The following EYA1 variants were observed in gnomAD, a reference collection of about 807,000 sequenced individuals.
EYA1 encodes protein phosphatase EYA1.
EYA1 carries 16 observed loss-of-function variants against 82.0 expected under a neutral mutation model. That is an observed-to-expected ratio of 0.20 (90% CI 0.13 to 0.30). EYA1 has a LOEUF of 0.30. Among genes scored for constraint, EYA1 ranks in the 10% least tolerant of loss-of-function variants. The pLI is 1.00. For missense variants in EYA1, 633 were observed against 730.7 expected (o/e 0.87, Z 1.54); for synonymous variants, 261 against 264.4 (o/e 0.99, Z 0.12).
In EYA1 at chr8:71,437,461, C is replaced by G. The variant is rs74728952; in HGVS notation, c.34-80950G>C. On this transcript the variant is annotated intron_variant, in intron 2 of 18. Coordinates refer to the EYA1 transcript ENST00000643681. Reference sequence around the variant, plus strand: ...TGTCCATCTCTAAAATGTGTCAGGTCACACATAGCTCTTAGGTTTTCTATG... The same window carrying G: ...TGTCCATCTCTAAAATGTGTCAGGTGACACATAGCTCTTAGGTTTTCTATG... Among the ~76,000 whole-genome samples the G allele has an allele frequency of 3.2e-4, 49 of 151,984 alleles. 2 individuals are homozygous for G. The East Asian group carries it at 7.6e-3, about 23-fold the overall frequency.
At chr8:71,415,854 A>T (rs1830826557) in intron 2 of EYA1, among the ~76,000 whole-genome samples, 1 of 152,266 alleles carries the variant, frequency 6.6e-6, no homozygotes, top group African/African-American at 2.4e-5. Context: ...AATTTCTATA[A>T]GCATAAATAG....
At chr8:71,532,622 T>A (rs1814381446) in intron 2 of EYA1, among the ~76,000 whole-genome samples, 1 of 152,230 alleles carries the variant, frequency 6.6e-6, no homozygotes, top group Non-Finnish European at 1.5e-5. Flanking sequence ...GAAGTATTAT[T>A]TTGTCTTTAA....
chr8:71,267,311 G>C (rs1397264579), intron 11 of EYA1, among the ~76,000 whole-genome samples: 1 of 152,004 alleles, frequency 6.6e-6, no homozygotes, highest in Non-Finnish European at 1.5e-5. Flanking sequence ...AGCCTTTCTT[G>C]CCTCTGCACT....
At chr8:71,354,541 T>C (rs1449591936) in intron 3 of EYA1, among the ~76,000 whole-genome samples, 1 of 152,184 alleles carries the variant, frequency 6.6e-6, no homozygotes, top group Non-Finnish European at 1.5e-5. Flanking sequence ...ATGTATAATA[T>C]ACATGTGTAT....
intron 2 of EYA1, among the ~76,000 whole-genome samples, chr8:71,505,222 G>A (rs780231989): frequency 6.6e-6 from 1 of 152,186 alleles, no homozygotes; most frequent in African/African-American, 2.4e-5. Context: ...GATGAATGCA[G>A]TGGTTCTCAA....
intron 2 of EYA1, among the ~76,000 whole-genome samples, chr8:71,396,349 G>C (rs554200555): frequency 2.0e-5 from 3 of 152,060 alleles, no homozygotes; most frequent in Admixed American, 6.5e-5. Flanking sequence ...GAATGTGTTT[G>C]CTCTTGCTTT....
At chr8:71,325,622 A>C (rs1823062665) in intron 4 of EYA1, among the ~76,000 whole-genome samples, 1 of 152,238 alleles carries the variant, frequency 6.6e-6, no homozygotes, top group African/African-American at 2.4e-5. Context: ...ATAAACATAC[A>C]TAATAAACCT....
chr8:71,499,716 C>A (rs1811675321), intron 2 of EYA1, among the ~76,000 whole-genome samples: 1 of 152,126 alleles, frequency 6.6e-6, no homozygotes, highest in African/African-American at 2.4e-5. Flanking sequence ...CTAACTCAAT[C>A]TGGAATATAA....
chr8:71,379,443 G>C (rs1354421467), intron 2 of EYA1, among the ~76,000 whole-genome samples: 1 of 152,034 alleles, frequency 6.6e-6, no homozygotes, highest in Non-Finnish European at 1.5e-5. Flanking sequence ...GAACCATCAG[G>C]ACTGAAATCC....
At chr8:71,247,513 A>C (rs1813250899) in intron 11 of EYA1, among the ~76,000 whole-genome samples, 1 of 152,176 alleles carries the variant, frequency 6.6e-6, no homozygotes, top group South Asian at 2.1e-4. Context: ...GATTCCCTCA[A>C]ATTTTGTGTA....
At chr8:71,286,457 A>G (rs1047529874) in intron 9 of EYA1, among the ~76,000 whole-genome samples, 1 of 152,212 alleles carries the variant, frequency 6.6e-6, no homozygotes, top group Non-Finnish European at 1.5e-5. Context: ...GCATGGAGCC[A>G]TGACATATTG....
At chr8:71,315,400 A>AG (rs1399058170) in intron 7 of EYA1, among the ~76,000 whole-genome samples, 1 of 152,204 alleles carries the variant, frequency 6.6e-6, no homozygotes, top group Non-Finnish European at 1.5e-5. Context: ...ACAATTCTGT[A>AG]GCTCTGCTCT....
At chr8:71,294,921 C>A (rs989230524) in intron 9 of EYA1, among the ~76,000 whole-genome samples, 4 of 152,124 alleles carry the variant, frequency 2.6e-5, no homozygotes, top group African/African-American at 9.7e-5. Context: ...AGAGAGAGCC[C>A]TGAAATAGCC....
intron 9 of EYA1, among the ~76,000 whole-genome samples, chr8:71,272,207 G>A (rs546572330): frequency 5.9e-5 from 9 of 152,102 alleles, no homozygotes; most frequent in South Asian, 2.1e-4. Flanking sequence ...GCCTTTCCCC[G>A]CTTCTCTCAT....
chr8:71,433,250 T>G (rs1805757747), intron 2 of EYA1, among the ~76,000 whole-genome samples: 2 of 152,272 alleles, frequency 1.3e-5, no homozygotes, highest in Middle Eastern at 3.4e-3. Flanking sequence ...GTTTTGCACA[T>G]AGGAAAAGGT....
chr8:71,461,419 C>T (rs1808353626), intron 2 of EYA1, among the ~76,000 whole-genome samples: 1 of 152,148 alleles, frequency 6.6e-6, no homozygotes, highest in African/African-American at 2.4e-5. Flanking sequence ...GTGGCTGGAC[C>T]AGGCACACCA....
intron 12 of EYA1, among the ~76,000 whole-genome samples, chr8:71,224,192 T>C (rs1281315436): frequency 6.6e-6 from 1 of 152,246 alleles, no homozygotes; most frequent in East Asian, 1.9e-4. Flanking sequence ...TTACAATGTG[T>C]CTTTGGAGAA....
At chr8:71,401,358 A>G (rs1829948183) in intron 2 of EYA1, among the ~76,000 whole-genome samples, 1 of 152,206 alleles carries the variant, frequency 6.6e-6, no homozygotes, top group South Asian at 2.1e-4. Flanking sequence ...GAAGATTTCA[A>G]TTTTATTCTT....
intron 1 of EYA1, among the ~76,000 whole-genome samples, chr8:71,360,429 A>G (rs886948315): frequency 1.3e-5 from 2 of 152,330 alleles, no homozygotes; most frequent in African/African-American, 2.4e-5. Flanking sequence ...ATCATTTATC[A>G]TGTCTATGAA....
Sources: allele counts gnomAD v4.1 joint callset (sites outside exome capture counted in the v4.1 genomes callset), GRCh38; gene constraint gnomAD v4.1.1; transcripts MANE v1.5; gene names NCBI Gene and HGNC (gene_info 2026-07-23, HGNC 2026-07-21).